The following PCDH9 variants were observed in gnomAD, a reference collection of about 807,000 sequenced individuals.
The protein encoded by PCDH9 is protocadherin-9.
A neutral mutation model predicts 70.6 loss-of-function variants in PCDH9; 24 were observed. That is an observed-to-expected ratio of 0.34 (90% CI 0.25 to 0.48). The LOEUF is 0.48. Among genes scored for constraint, PCDH9 ranks in the 20% least tolerant of loss-of-function variants. The pLI, the probability that PCDH9 is intolerant of heterozygous loss-of-function variation, is 0.99. For synonymous variants in PCDH9, 562 were observed against 558.5 expected, an observed-to-expected ratio of 1.01 and a Z score of -0.09; for missense variants, 1,281 against 1,503.6, an observed-to-expected ratio of 0.85 and a Z score of 2.45.
chr13:66,714,127 G>A (rs2078836982), intron 3 of PCDH9, among the ~76,000 whole-genome samples: 1 of 152,098 alleles, frequency 6.6e-6, no homozygotes, highest in African/African-American at 2.4e-5. Context: ...TTAGGTTATA[G>A]CTGTTGCATA....
chr13:66,823,398 C>T (rs1415253175), intron 3 of PCDH9, among the ~76,000 whole-genome samples: 1 of 151,246 alleles, frequency 6.6e-6, no homozygotes, highest in Admixed American at 6.6e-5. Flanking sequence ...TACTGAACTA[C>T]ACTAACAGTA....
intron 2 of PCDH9, among the ~76,000 whole-genome samples, chr13:66,945,432 T>C (rs1437060208): frequency 6.6e-6 from 1 of 152,176 alleles, no homozygotes; most frequent in Non-Finnish European, 1.5e-5. Flanking sequence ...GTCAACTTAA[T>C]TTATAGCTCA....
intron 4 of PCDH9, among the ~76,000 whole-genome samples, chr13:66,549,155 C>A (rs1475170218): frequency 6.6e-6 from 1 of 151,824 alleles, no homozygotes; most frequent in African/African-American, 2.4e-5. Context: ...TATACGTACA[C>A]AAAATATATA....
intron 4 of PCDH9, among the ~76,000 whole-genome samples, chr13:66,508,645 G>A (rs1192083506): frequency 6.6e-6 from 1 of 151,972 alleles, no homozygotes; most frequent in Non-Finnish European, 1.5e-5. Context: ...AGGAATCTTA[G>A]TACCTCAGGG....
intron 2 of PCDH9, among the ~76,000 whole-genome samples, chr13:67,088,637 A>C (rs533434744): frequency 6.6e-6 from 1 of 152,192 alleles, no homozygotes; most frequent in East Asian, 1.9e-4. Context: ...AGGAAGAATT[A>C]GGCAAATAGT....
chr13:67,079,961 C>G (rs1024359951), intron 2 of PCDH9, among the ~76,000 whole-genome samples: 2 of 152,158 alleles, frequency 1.3e-5, no homozygotes, highest in Admixed American at 6.5e-5. Flanking sequence ...TATGATCTCC[C>G]CAGCCCTCTG....
chr13:66,710,643 T>G (rs1294996781), intron 3 of PCDH9, among the ~76,000 whole-genome samples: 1 of 152,188 alleles, frequency 6.6e-6, no homozygotes, highest in African/African-American at 2.4e-5. Context: ...CTCAGATGTA[T>G]AACCTTACAT....
At chr13:66,713,623 G>GTATATTATATATATATATA in intron 3 of PCDH9, among the ~76,000 whole-genome samples, 1 of 93,032 alleles carries the variant, frequency 1.1e-5, no homozygotes, top group Non-Finnish European at 2.1e-5. Context: ...GTGTGTGTGT[G>GTATATTATATATATATATA]TGTATATATA....
chr13:66,737,914 G>C (rs1566159515), intron 3 of PCDH9, among the ~76,000 whole-genome samples: 1 of 151,088 alleles, frequency 6.6e-6, no homozygotes, highest in South Asian at 2.1e-4. Context: ...CAGCGAGGCT[G>C]GGGGAGGGGC....
intron 2 of PCDH9, among the ~76,000 whole-genome samples, chr13:66,926,826 C>A (rs2082725038): frequency 6.6e-6 from 1 of 151,712 alleles, no homozygotes; most frequent in Non-Finnish European, 1.5e-5. Context: ...CATGAGCTTA[C>A]ATTCTTTTAG....
intron 4 of PCDH9, among the ~76,000 whole-genome samples, chr13:66,331,580 C>T (rs767253423): frequency 1.1e-4 from 17 of 152,214 alleles, no homozygotes; most frequent in Non-Finnish European, 5.9e-5. Context: ...TGTTTTATGA[C>T]TTAATGAGAA....
At chr13:66,367,023 C>A (rs762743653) in intron 4 of PCDH9, among the ~76,000 whole-genome samples, 1 of 152,066 alleles carries the variant, frequency 6.6e-6, no homozygotes, top group Non-Finnish European at 1.5e-5. Context: ...TTTAATATCA[C>A]ACATAATGTA....
chr13:67,084,407 C>T (rs969296594), intron 2 of PCDH9, among the ~76,000 whole-genome samples: 19 of 152,130 alleles, frequency 1.2e-4, no homozygotes, highest in African/African-American at 4.3e-4. Flanking sequence ...TCTTCCTTAA[C>T]CAACTGCAAA....
intron 3 of PCDH9, among the ~76,000 whole-genome samples, chr13:66,840,265 T>C (rs1474930568): frequency 7.7e-6 from 1 of 129,546 alleles, no homozygotes; most frequent in African/African-American, 2.6e-5. Context: ...AGAAAGGTAG[T>C]ATTTCTTTTC....
At chr13:67,001,384 G>T (rs950765817) in intron 2 of PCDH9, among the ~76,000 whole-genome samples, 12 of 151,582 alleles carry the variant, frequency 7.9e-5, no homozygotes, top group Admixed American at 5.3e-4. Context: ...AAAGGGGCAA[G>T]AATAGGGAGC....
At chr13:67,085,732 A>G (rs2086093918) in intron 2 of PCDH9, among the ~76,000 whole-genome samples, 1 of 152,156 alleles carries the variant, frequency 6.6e-6, no homozygotes, top group Admixed American at 6.5e-5. Flanking sequence ...CCAACAAACA[A>G]TTTCATCCCT....
At chr13:66,770,442 C>T (rs74096018) in intron 3 of PCDH9, among the ~76,000 whole-genome samples, 2,229 of 152,256 alleles carry the variant, frequency 0.015, 64 homozygotes, top group African/African-American at 0.051. Context: ...GATGAAGCCA[C>T]CCTTATCTCT....
intron 3 of PCDH9, among the ~76,000 whole-genome samples, chr13:66,678,204 T>C (rs966138985): frequency 2.0e-5 from 3 of 152,148 alleles, no homozygotes; most frequent in African/African-American, 7.2e-5. Flanking sequence ...CTTAGCTTTC[T>C]CTTGGTTTCC....
chr13:66,415,048 T>C (rs1053331918), intron 4 of PCDH9, among the ~76,000 whole-genome samples: 1 of 152,048 alleles, frequency 6.6e-6, no homozygotes, highest in African/African-American at 2.4e-5. Flanking sequence ...ATTCTGAAAA[T>C]GTACATGAGG....
Sources: gnomAD v4.1 joint callset for allele counts (sites outside exome capture counted in the v4.1 genomes callset) on GRCh38, gnomAD v4.1.1 for gene constraint, MANE v1.5 for transcripts, NCBI Gene and HGNC (gene_info 2026-07-23, HGNC 2026-07-21) for gene names.